ARSJ: variants seen among roughly 807,000 people sequenced by gnomAD.
The protein encoded by ARSJ is arylsulfatase J.
A neutral mutation model predicts 35.9 loss-of-function variants in ARSJ; 26 were observed. That is an observed-to-expected ratio of 0.72 (90% CI 0.53 to 1.00). The LOEUF (loss-of-function observed/expected upper bound fraction) is 1.00. Among genes scored for constraint, ARSJ ranks in the 50% least tolerant of loss-of-function variants. The pLI is 0.00. For missense variants in ARSJ, 667 were observed against 723.6 expected, an observed-to-expected ratio of 0.92 and a Z score of 0.90; for synonymous variants, 294 against 267.6, an observed-to-expected ratio of 1.10 and a Z score of -0.96.
intron 1 of ARSJ, among the ~76,000 whole-genome samples, chr4:113,940,645 T>TA (rs566983455): frequency 0.011 from 1,523 of 144,640 alleles, 16 homozygotes; most frequent in African/African-American, 0.029. Flanking sequence ...CCCTGGAACT[T>TA]AAAAAAAAAA....
intron 1 of ARSJ, among the ~76,000 whole-genome samples, chr4:113,973,019 G>A (rs1356723342): frequency 6.6e-6 from 1 of 152,098 alleles, no homozygotes; most frequent in Admixed American, 6.6e-5. Flanking sequence ...CCAATTTCAG[G>A]CCTTTCCGGA....
chr4:113,931,984 C>T (rs1256304522), intron 1 of ARSJ, among the ~76,000 whole-genome samples: 1 of 152,020 alleles, frequency 6.6e-6, no homozygotes, highest in Non-Finnish European at 1.5e-5. Flanking sequence ...TAATGACCCA[C>T]ATAAACTGAA....
At position 113,902,315 on chromosome 4, in the gene ARSJ, C is replaced by G. The variant is rs2099667320; in HGVS notation, c.1759G>C (p.Val587Leu). 6.2e-7 allele frequency: 1 copy of G among 1,612,748 alleles called. No homozygotes were observed. Among genetic ancestry groups the G allele is most frequent in the African/African-American group, 1.3e-5 (1 of 74,868 alleles). ...CCTGAATGGCAAGTTGAACCTGAGA[C>G]TGCTTTCTGCTGTTTCTTCTTCTTT... Reference protein sequence around the residue: ...KKKKKKQQKAVSGSTCHSGVT... With the variant: ...KKKKKKQQKALSGSTCHSGVT... The change falls in exon 2 of 2, where the codon GTC becomes CTC. Residue 587 changes from valine to leucine, a missense_variant. By Grantham distance (32) the Val-to-Leu change is conservative. Coordinates refer to ENST00000315366, the MANE Select transcript of ARSJ (RefSeq NM_024590.4).
At position 113,907,176 on chromosome 4, in the gene ARSJ, T is replaced by G. The variant is rs902793576; in HGVS notation, c.399-3501A>C. ...GATGCCAGAAGTCTTGAGAAGCAAA[T>G]CTGTTCTAACTTTCCAATTAAAGAA... is the stretch of plus-strand genomic sequence containing the variant. On this transcript the variant is annotated intron_variant, in intron 1 of 1. Transcript: ENST00000315366. 2.0e-5 allele frequency among the ~76,000 whole-genome samples: 3 copies of G among 152,198 alleles called. No individual in the cohort carries two copies. In the East Asian group the frequency reaches 5.8e-4, roughly 29 times the overall value.
At chr4:113,913,418 T>G (rs1723071779) in intron 1 of ARSJ, among the ~76,000 whole-genome samples, 1 of 152,020 alleles carries the variant, frequency 6.6e-6, no homozygotes, top group African/African-American at 2.4e-5. Flanking sequence ...CCCTGACTCT[T>G]ATTATCTCAT....
chr4:113,975,664 A>G (rs1727547277), intron 1 of ARSJ, among the ~76,000 whole-genome samples: 1 of 152,204 alleles, frequency 6.6e-6, no homozygotes. Flanking sequence ...TCAATATAAA[A>G]TGGGCATGAC....
intron 1 of ARSJ, among the ~76,000 whole-genome samples, chr4:113,941,282 T>C (rs574258389): frequency 3.9e-5 from 6 of 152,070 alleles, no homozygotes; most frequent in Non-Finnish European, 5.9e-5. Flanking sequence ...GTTACATACA[T>C]GAACAATTCA....
Position 113,978,712 on chromosome 4 carries a change from A to G in ARSJ, c.123T>C (p.Tyr41=), listed in dbSNP as rs763274987. The part of the protein sequence containing the change: ...AGFWILCLLT[Y]GYLSWGQALE... ...AGGCCTGGCCCCAGGACAGGTAACC[A>G]TAAGTGAGGAGGCAGAGGATCCAGA... Residue 41 remains tyrosine, a synonymous_variant, in exon 1 of 2, where the codon TAT becomes TAC. Transcript: ENST00000315366. The G allele has an allele frequency of 6.2e-6, 10 of 1,614,104 alleles. No homozygotes were observed. The highest frequency in any genetic ancestry group is 3.3e-4 in the Middle Eastern group (2 of 6,084).
In ARSJ at chr4:113,902,675, C is replaced by A. The variant is rs2099667505; in HGVS notation, c.1399G>T (p.Val467Phe). ...LTGNPGYSDW[V>F]PPQSFSNLGP... ...AGGTTGCTGAAAGACTGAGGGGGGACCCAGTCGCTGTAGCCAGGATTTCCT... is the reference window on the plus strand; with the variant it reads ...AGGTTGCTGAAAGACTGAGGGGGGAACCAGTCGCTGTAGCCAGGATTTCCT... Residue 467 changes from valine (V) to phenylalanine (F), a missense_variant, in exon 2 of 2, where the codon GTC becomes TTC. Coordinates refer to ENST00000315366, the MANE Select transcript of ARSJ (RefSeq NM_024590.4). 1.2e-6 allele frequency: 2 copies of A among 1,614,068 alleles called. No individual in the cohort carries two copies. Among genetic ancestry groups the A allele is most frequent in the South Asian group, 1.1e-5 (1 of 91,084 alleles).
intron 1 of ARSJ, among the ~76,000 whole-genome samples, chr4:113,970,137 C>T (rs1261347812): frequency 6.6e-6 from 1 of 152,098 alleles, no homozygotes; most frequent in African/African-American, 2.4e-5. Flanking sequence ...GGAGTGAAAA[C>T]AGAATGAGCC....
intron 1 of ARSJ, among the ~76,000 whole-genome samples, chr4:113,903,984 G>A (rs920365023): frequency 1.3e-5 from 2 of 152,180 alleles, no homozygotes; most frequent in Non-Finnish European, 2.9e-5. Context: ...GTGCAGTGGC[G>A]TGATCTCGGC....
At chr4:113,918,237 T>C (rs968881741) in intron 1 of ARSJ, among the ~76,000 whole-genome samples, 1 of 152,052 alleles carries the variant, frequency 6.6e-6, no homozygotes, top group Non-Finnish European at 1.5e-5. Context: ...ACAGAAACAA[T>C]AACTAGCAAC....
At chr4:113,943,504 G>A (rs977214932) in intron 1 of ARSJ, 10 of 151,976 alleles carry the variant, frequency 6.6e-5, no homozygotes, top group African/African-American at 2.2e-4. Flanking sequence ...TTTGTGCCAG[G>A]TACTAGTATA....
intron 1 of ARSJ, among the ~76,000 whole-genome samples, chr4:113,920,382 T>A (rs559537982): frequency 6.6e-6 from 1 of 152,312 alleles, no homozygotes; most frequent in East Asian, 1.9e-4. Flanking sequence ...CCCTATACAC[T>A]GTGGACAATA....
Position 113,900,747 on chromosome 4 carries a change from C to T in ARSJ, c.*1527G>A, listed in dbSNP as rs1236848691. 1.3e-5 allele frequency: 2 copies of T among 152,206 alleles called. No individual in the cohort carries two copies. Among genetic ancestry groups the T allele is most frequent in the Non-Finnish European group, 2.9e-5 (2 of 68,050 alleles). The allele number at this position is 152,206 out of a possible 1,614,324, so 9.4% of individuals were successfully genotyped here. A position where few individuals can be genotyped will look rare whatever the true frequency, so the allele number is the denominator to read the frequency against. ...ACTTCAAAGAAAACACCAGGGTCTACAGGATCCACACCAATCTATGCTCAT... is the reference window on the plus strand; with the variant it reads ...ACTTCAAAGAAAACACCAGGGTCTATAGGATCCACACCAATCTATGCTCAT... On this transcript the variant is annotated 3_prime_UTR_variant, in exon 2 of 2. Coordinates refer to ENST00000315366, the MANE Select transcript of ARSJ (RefSeq NM_024590.4).
chr4:113,911,195 A>T (rs1352081666), intron 1 of ARSJ, among the ~76,000 whole-genome samples: 4 of 152,214 alleles, frequency 2.6e-5, no homozygotes, highest in African/African-American at 4.8e-5. Context: ...GTCTCTGTAG[A>T]TCAACAATTT....
chr4:113,947,445 A>C (rs1367125305), intron 1 of ARSJ, among the ~76,000 whole-genome samples: 1 of 151,514 alleles, frequency 6.6e-6, no homozygotes, highest in African/African-American at 2.4e-5. Context: ...CTGCAGTTGT[A>C]CTCCAGCCTG....
chr4:113,936,693 C>T (rs923209024), intron 1 of ARSJ, among the ~76,000 whole-genome samples: 1 of 151,794 alleles, frequency 6.6e-6, no homozygotes, highest in Non-Finnish European at 1.5e-5. Flanking sequence ...GTAGGCTTTC[C>T]TTAATCTAAA....
intron 1 of ARSJ, among the ~76,000 whole-genome samples, chr4:113,921,083 A>ACG (rs1491503355): frequency 1.4e-5 from 1 of 73,614 alleles, no homozygotes; most frequent in Non-Finnish European, 2.7e-5. Flanking sequence ...TCCCTGAAAT[A>ACG]CACACACACA....
Sources: gnomAD v4.1 joint callset for allele counts (sites outside exome capture counted in the v4.1 genomes callset) on GRCh38, gnomAD v4.1.1 for gene constraint, MANE v1.5 for transcripts, NCBI Gene and HGNC (gene_info 2026-07-23, HGNC 2026-07-21) for gene names.